Variants in CATSPERE observed in about 807,000 individuals in gnomAD.
The protein encoded by CATSPERE is cation channel sperm-associated auxiliary subunit epsilon.
Under a neutral mutation model 114.1 loss-of-function variants are expected in CATSPERE, and 93 were observed. That is an observed-to-expected ratio of 0.81 (90% CI 0.69 to 0.97). CATSPERE has a LOEUF of 0.97. Among genes scored for constraint, CATSPERE ranks in the 50% least tolerant of loss-of-function variants. The probability of loss-of-function intolerance (pLI) is 0.00; values close to 1 mark genes in which losing one functional copy is unlikely to be tolerated. For synonymous variants in CATSPERE, 341 were observed against 384.1 expected (o/e 0.89, Z 1.31); for missense variants, 1,058 against 1,131.6 (o/e 0.93, Z 0.93).
intron 7 of CATSPERE, among the ~76,000 whole-genome samples, chr1:244,500,228 T>C (rs1202974629): frequency 1.3e-5 from 2 of 152,206 alleles, no homozygotes; most frequent in Non-Finnish European, 2.9e-5. Flanking sequence ...AAGTCCCTTG[T>C]AGATTCTGGA....
chr1:244,557,637 G>A lies in CATSPERE; in HGVS notation c.1030-3031G>A, dbSNP rs187395468. 2.2e-5 allele frequency among the ~76,000 whole-genome samples: 3 copies of A among 133,382 alleles called. No individual in the cohort carries two copies. The Admixed American group carries it at 2.5e-4, about 11-fold the overall frequency. 87.5% of individuals were successfully genotyped at this position (133,382 alleles called of 152,430 possible). A position where few individuals can be genotyped will look rare whatever the true frequency, so the allele number is the denominator to read the frequency against. On this transcript the variant is annotated intron_variant, in intron 9 of 21. Coordinates refer to ENST00000366534, the MANE Select transcript of CATSPERE (RefSeq NM_001130957.2). ...TTCTGGTTTTCAGCAGTTTTACTAT[G>A]TGCCTAGATGTTATTTCCTTTGTAT... is the stretch of plus-strand genomic sequence containing the variant.
rs1294497816 is a variant in CATSPERE at position 244,504,173 on chromosome 1, A to G, written c.429+5094A>G. On this transcript the variant is annotated intron_variant, in intron 7 of 21. Transcript: ENST00000366534. This position sits in a 1 kb window ranked among gnomAD's most constrained non-coding sequence, Gnocchi z 4.1. Reference sequence around the variant, plus strand: ...TAAAAGAGCACACAAATATCCAGCTATTTATCTGCACTTGAAATACTGATG... The same window carrying G: ...TAAAAGAGCACACAAATATCCAGCTGTTTATCTGCACTTGAAATACTGATG... Among the ~76,000 whole-genome samples, 1 of 152,178 alleles carries G rather than the reference A, an allele frequency of 6.6e-6. No homozygotes were observed. Among genetic ancestry groups the G allele is most frequent in the African/African-American group, 2.4e-5 (1 of 41,442 alleles).
intron 12 of CATSPERE, among the ~76,000 whole-genome samples, chr1:244,582,948 T>TC (rs1666431261): frequency 7.1e-4 from 2 of 2,802 alleles, no homozygotes; most frequent in Non-Finnish European, 1.8e-3. Flanking sequence ...TATATATATA[T>TC]ATATATATAT....
chr1:244,528,791 A>G (rs867931358), intron 8 of CATSPERE, among the ~76,000 whole-genome samples: 2,641 of 147,348 alleles, frequency 0.018, 98 homozygotes, highest in African/African-American at 0.064. Flanking sequence ...CCCACCACAC[A>G]CACACACACA....
intron 2 of CATSPERE, among the ~76,000 whole-genome samples, chr1:244,474,020 C>A (rs1391225649): frequency 6.6e-6 from 1 of 151,524 alleles, no homozygotes; most frequent in Non-Finnish European, 1.5e-5. Flanking sequence ...TGCCTGGTTT[C>A]TTTCTTTTTT....
intron 18 of CATSPERE, among the ~76,000 whole-genome samples, chr1:244,606,064 T>C (rs1006118719): frequency 3.3e-5 from 5 of 152,180 alleles, no homozygotes; most frequent in African/African-American, 4.8e-5. Flanking sequence ...CTCCAAACTG[T>C]ATTCAGTGTT....
upstream of CATSPERE, among the ~76,000 whole-genome samples, chr1:244,461,029 A>T (rs1377992822): frequency 2.0e-5 from 3 of 152,260 alleles, no homozygotes; most frequent in African/African-American, 7.2e-5. Context: ...ATTTGGGCTA[A>T]AAGACACACT....
intron 9 of CATSPERE, among the ~76,000 whole-genome samples, chr1:244,560,135 GAC>G (rs1662321740): frequency 6.6e-6 from 1 of 151,958 alleles, no homozygotes; most frequent in African/African-American, 2.4e-5. Context: ...TGAGACTACA[GAC>G]ACACGCCACC....
chr1:244,545,868 C>T (rs1284776751), intron 8 of CATSPERE, among the ~76,000 whole-genome samples: 7 of 152,210 alleles, frequency 4.6e-5, no homozygotes, highest in Admixed American at 1.3e-4. Flanking sequence ...GTTCCTACTA[C>T]TGCTACACTG....
chr1:244,470,699 A>C (rs1240696002), intron 2 of CATSPERE, among the ~76,000 whole-genome samples: 1 of 152,226 alleles, frequency 6.6e-6, no homozygotes, highest in Non-Finnish European at 1.5e-5. Context: ...TGTCCACACA[A>C]AAACTAGTAC....
rs1665063348 is a variant in CATSPERE, at chr1:244,575,248, G to C, written c.1950+2476G>C. Reference sequence around the variant, plus strand: ...GCCACAGCCCAGGCCCCGGGCTGTTGCTGGCCCAGAGGCTTGGCAGGTGCC... The same window carrying C: ...GCCACAGCCCAGGCCCCGGGCTGTTCCTGGCCCAGAGGCTTGGCAGGTGCC... On this transcript the variant is annotated intron_variant, in intron 11 of 21. Coordinates refer to ENST00000366534, the MANE Select transcript of CATSPERE (RefSeq NM_001130957.2). This position sits in a 1 kb window ranked among gnomAD's most constrained non-coding sequence, Gnocchi z 4.5. Among the ~76,000 whole-genome samples, 1 of 152,228 alleles carries C rather than the reference G, an allele frequency of 6.6e-6. No individual in the cohort carries two copies. The highest frequency in any genetic ancestry group is 2.1e-4 in the South Asian group (1 of 4,834).
intron 6 of CATSPERE, among the ~76,000 whole-genome samples, chr1:244,494,785 A>G (rs1672837097): frequency 6.6e-6 from 1 of 152,174 alleles, no homozygotes; most frequent in African/African-American, 2.4e-5. Flanking sequence ...AACTTACCAG[A>G]AAAAAAGAAG....
At chr1:244,588,830 C>A (rs1225835696) in intron 14 of CATSPERE, among the ~76,000 whole-genome samples, 3 of 152,210 alleles carry the variant, frequency 2.0e-5, no homozygotes, top group Non-Finnish European at 4.4e-5. Flanking sequence ...TCTCTCAACT[C>A]TTCAGTCTAC....
upstream of CATSPERE, among the ~76,000 whole-genome samples, chr1:244,451,369 G>A (rs374703688): frequency 2.9e-3 from 439 of 152,262 alleles, no homozygotes; most frequent in Middle Eastern, 0.017. The surrounding 1 kb of genome is among the most constrained non-coding windows in gnomAD (Gnocchi z 6.6). Flanking sequence ...CAACTGCCAG[G>A]CATCGCGCAT....
At chr1:244,499,664 G>A (rs1049379855) in intron 7 of CATSPERE, among the ~76,000 whole-genome samples, 5 of 152,092 alleles carry the variant, frequency 3.3e-5, no homozygotes, top group South Asian at 4.1e-4. Context: ...CCCTGCAAAG[G>A]ACATGAACTC....
chr1:244,463,160 AATTTT>A (rs1225853140), intron 1 of CATSPERE, among the ~76,000 whole-genome samples: 3 of 152,302 alleles, frequency 2.0e-5, no homozygotes, highest in East Asian at 1.9e-4. Context: ...AAAATTAATT[AATTTT>A]AAGTTTAATT....
chr1:244,630,892 C>T (rs1008529721), intron 20 of CATSPERE, among the ~76,000 whole-genome samples: 1 of 152,112 alleles, frequency 6.6e-6, no homozygotes, highest in Non-Finnish European at 1.5e-5. Flanking sequence ...TTAATGCATT[C>T]ATATCAACAA....
chr1:244,553,549 C>A (rs1255282786), intron 9 of CATSPERE, among the ~76,000 whole-genome samples: 4 of 142,364 alleles, frequency 2.8e-5, no homozygotes, highest in Non-Finnish European at 6.0e-5. Flanking sequence ...CCACTGCACT[C>A]CAGCCTGGGC....
At chr1:244,484,601 A>G (rs187806345) in intron 5 of CATSPERE, among the ~76,000 whole-genome samples, 181 of 152,318 alleles carry the variant, frequency 1.2e-3, no homozygotes, top group Non-Finnish European at 2.1e-3. Flanking sequence ...TTTACCTCCA[A>G]ATATTCCCTT....
Sources: allele counts gnomAD v4.1 joint callset (sites outside exome capture counted in the v4.1 genomes callset), GRCh38; gene constraint gnomAD v4.1.1; non-coding constraint Gnocchi (gnomAD v3.1); transcripts MANE v1.5; gene names NCBI Gene and HGNC (gene_info 2026-07-23, HGNC 2026-07-21).